Variants in HCN1 observed in about 807,000 individuals in gnomAD.
The protein encoded by HCN1 is potassium/sodium hyperpolarization-activated cyclic nucleotide-gated channel 1.
In HCN1, 13 loss-of-function variants were observed where a neutral mutation model predicts 78.9. The observed-to-expected ratio is 0.16, with a 90% CI of 0.11 to 0.26. The LOEUF is 0.26. Ranked by LOEUF, HCN1 falls within the 10% of genes least tolerant of loss-of-function variation. HCN1 has a pLI of 1.00. For missense variants in HCN1, 810 were observed against 1,154.3 expected, an observed-to-expected ratio of 0.70 and a Z score of 4.32; for synonymous variants, 552 against 455.5, an observed-to-expected ratio of 1.21 and a Z score of -2.70.
chr5:45,280,593 G>C (rs1745136930), intron 6 of HCN1, among the ~76,000 whole-genome samples: 1 of 152,112 alleles, frequency 6.6e-6, no homozygotes, highest in Non-Finnish European at 1.5e-5. Flanking sequence ...ACCACAATAA[G>C]GACTGACAGG....
chr5:45,347,081 C>A (rs1330654366), intron 5 of HCN1, among the ~76,000 whole-genome samples: 2 of 152,184 alleles, frequency 1.3e-5, no homozygotes, highest in African/African-American at 2.4e-5. Flanking sequence ...GTCCCTGACC[C>A]CTGATCCCCG....
intron 4 of HCN1, among the ~76,000 whole-genome samples, chr5:45,353,742 C>T (rs915822289): frequency 1.1e-4 from 16 of 151,908 alleles, no homozygotes; most frequent in African/African-American, 3.6e-4. Context: ...ATTTGCAGAT[C>T]ATTCATACTT....
intron 2 of HCN1, among the ~76,000 whole-genome samples, chr5:45,563,172 G>C (rs1170756059): frequency 6.6e-6 from 1 of 151,972 alleles, no homozygotes; most frequent in Non-Finnish European, 1.5e-5. Context: ...AGTGAAGGCC[G>C]GGTGCGGTGG....
In HCN1 at chr5:45,696,197, G is replaced by T; in HGVS notation, c.-104C>A. ...GTAGGGGCCCGAGCCGGCTGCCGGC[G>T]AGCCCAGCTGCCCGTCGCGGCGGCG... On this transcript the variant is annotated 5_prime_UTR_variant, in exon 1 of 8. Coordinates refer to ENST00000303230, the MANE Select transcript of HCN1 (RefSeq NM_021072.4). 2 of 593,242 alleles carry T rather than the reference G, an allele frequency of 3.4e-6. No individual in the cohort carries two copies. Among genetic ancestry groups the T allele is most frequent in the Non-Finnish European group, 4.4e-6 (2 of 452,942 alleles). 36.7% of individuals were successfully genotyped at this position (593,242 alleles called of 1,614,324 possible).
At chr5:45,435,939 G>T (rs1301388645) in intron 3 of HCN1, among the ~76,000 whole-genome samples, 1 of 151,934 alleles carries the variant, frequency 6.6e-6, no homozygotes, top group African/African-American at 2.4e-5. Context: ...TCACAGTGGG[G>T]TCTGTTCTAT....
intron 3 of HCN1, among the ~76,000 whole-genome samples, chr5:45,456,895 A>G (rs557223373): frequency 1.3e-5 from 2 of 152,144 alleles, no homozygotes; most frequent in South Asian, 4.1e-4. Flanking sequence ...TAAATGCATC[A>G]TTTATTTGTT....
At chr5:45,528,932 T>TA (rs1406589529) in intron 2 of HCN1, among the ~76,000 whole-genome samples, 2 of 152,024 alleles carry the variant, frequency 1.3e-5, no homozygotes, top group Admixed American at 1.3e-4. Context: ...GAAGTTGCCC[T>TA]TAGCTTTATG....
At chr5:45,393,459 T>C (rs1739625012) in intron 4 of HCN1, among the ~76,000 whole-genome samples, 1 of 152,154 alleles carries the variant, frequency 6.6e-6, no homozygotes. Context: ...AGTGCAATTA[T>C]ATCTAGAAAA....
chr5:45,548,890 T>C (rs1278850147), intron 2 of HCN1, among the ~76,000 whole-genome samples: 1 of 151,508 alleles, frequency 6.6e-6, no homozygotes, highest in Non-Finnish European at 1.5e-5. Flanking sequence ...TGAACTCCCA[T>C]TCACAATTGC....
At chr5:45,277,910 T>C (rs1045613357) in intron 6 of HCN1, among the ~76,000 whole-genome samples, 14 of 152,136 alleles carry the variant, frequency 9.2e-5, no homozygotes, top group African/African-American at 3.4e-4. Flanking sequence ...GTGAGAATGA[T>C]AAATCCCCAA....
chr5:45,589,381 T>A (rs1342352882), intron 2 of HCN1, among the ~76,000 whole-genome samples: 1 of 152,134 alleles, frequency 6.6e-6, no homozygotes, highest in Non-Finnish European at 1.5e-5. Flanking sequence ...GAGAAAAAGA[T>A]CAGGTTTAGT....
At chr5:45,305,853 G>A (rs955058554) in intron 5 of HCN1, among the ~76,000 whole-genome samples, 1 of 148,834 alleles carries the variant, frequency 6.7e-6, no homozygotes. Flanking sequence ...GAGGAAGGAA[G>A]GAAGGGAAGG....
intron 2 of HCN1, chr5:45,558,428 G>A (rs926779121): frequency 2.0e-5 from 3 of 152,100 alleles, no homozygotes; most frequent in African/African-American, 4.8e-5. Context: ...ACTGCAGCAA[G>A]TTATCCAAAA....
At position 45,353,476 on chromosome 5, in the gene HCN1, C is replaced by T. The variant is rs554236744; in HGVS notation, c.1231-230G>A. Reference sequence around the variant, plus strand: ...CATTTCATGGAAAGAACTAAGATATCGTGGAGAGGAGGCATGAAGGGAGTT... The same window carrying T: ...CATTTCATGGAAAGAACTAAGATATTGTGGAGAGGAGGCATGAAGGGAGTT... On this transcript the variant is annotated intron_variant, in intron 4 of 7. Transcript: ENST00000303230. Among the ~76,000 whole-genome samples the T allele has an allele frequency of 1.9e-4, 29 of 151,930 alleles. 1 individual carries two copies. Among genetic ancestry groups the T allele is most frequent in the African/African-American group, 6.3e-4 (26 of 41,482 alleles).
At chr5:45,288,165 T>C (rs1482293037) in intron 6 of HCN1, among the ~76,000 whole-genome samples, 1 of 151,996 alleles carries the variant, frequency 6.6e-6, no homozygotes, top group African/African-American at 2.4e-5. Context: ...CAGTCCAAGG[T>C]CTGACAATTT....
At chr5:45,554,415 C>T (rs1743430833) in intron 2 of HCN1, among the ~76,000 whole-genome samples, 1 of 151,562 alleles carries the variant, frequency 6.6e-6, no homozygotes, top group Non-Finnish European at 1.5e-5. Context: ...ACCATCTTGC[C>T]CACAGTATTT....
chr5:45,403,727 A>G (rs1297097844), intron 3 of HCN1, among the ~76,000 whole-genome samples: 1 of 152,178 alleles, frequency 6.6e-6, no homozygotes, highest in Non-Finnish European at 1.5e-5. Flanking sequence ...GAAAAAATAG[A>G]TTGACTGTGA....
At chr5:45,574,281 A>G (rs1414322839) in intron 2 of HCN1, among the ~76,000 whole-genome samples, 1 of 152,152 alleles carries the variant, frequency 6.6e-6, no homozygotes, top group East Asian at 1.9e-4. Flanking sequence ...CTCACATGAC[A>G]CTTTCAGGTG....
intron 6 of HCN1, among the ~76,000 whole-genome samples, chr5:45,287,701 C>A (rs1745295030): frequency 6.6e-6 from 1 of 151,994 alleles, no homozygotes; most frequent in South Asian, 2.1e-4. Flanking sequence ...TACTTCCCCA[C>A]CATCAGACAC....
Sources: allele counts gnomAD v4.1 joint callset (sites outside exome capture counted in the v4.1 genomes callset), GRCh38; gene constraint gnomAD v4.1.1; transcripts MANE v1.5; gene names NCBI Gene and HGNC (gene_info 2026-07-23, HGNC 2026-07-21).